Variants in BBS5 observed in about 807,000 individuals in gnomAD.
The protein encoded by BBS5 is Bardet-Biedl syndrome 5.
Under a neutral mutation model 50.2 loss-of-function variants are expected in BBS5, and 39 were observed. The ratio of observed to expected loss-of-function variants is 0.78; its 90% CI spans 0.60 to 1.01. BBS5 has a LOEUF of 1.01. Ranked by LOEUF, BBS5 falls within the 50% of genes least tolerant of loss-of-function variation. The pLI is 0.00. For missense variants in BBS5, 356 were observed against 401.5 expected (o/e 0.89, Z 0.97); for synonymous variants, 134 against 133.1 (o/e 1.01, Z -0.05).
chr2:169,498,691 G>C (rs556295440), intron 8 of BBS5, among the ~76,000 whole-genome samples: 3 of 151,842 alleles, frequency 2.0e-5, no homozygotes, highest in Non-Finnish European at 2.9e-5. Context: ...TGTAGTCCCA[G>C]CTACTCCGGA....
chr2:169,493,282 A>T (rs1161442618), intron 6 of BBS5, among the ~76,000 whole-genome samples: 1 of 152,196 alleles, frequency 6.6e-6, no homozygotes, highest in Admixed American at 6.5e-5. Context: ...TATGGAACAG[A>T]GTAACTCCGC....
At chr2:169,501,946 C>A (rs1359316945) in intron 9 of BBS5, among the ~76,000 whole-genome samples, 2 of 152,162 alleles carry the variant, frequency 1.3e-5, no homozygotes, top group Non-Finnish European at 2.9e-5. Context: ...TGTCTCACCT[C>A]ATGTGAGTCC....
At chr2:169,483,121 G>A (rs1559121038) in intron 2 of BBS5, among the ~76,000 whole-genome samples, 1 of 152,176 alleles carries the variant, frequency 6.6e-6, no homozygotes, top group Admixed American at 6.5e-5. Flanking sequence ...CTTCATTCAG[G>A]AAAGGGGGAA....
Position 169,495,741 on chromosome 2 carries a change from T to A in BBS5, c.619-1886T>A, listed in dbSNP as rs116000811. On this transcript the variant is annotated intron_variant, in intron 7 of 11. Coordinates refer to ENST00000295240, the MANE Select transcript of BBS5 (RefSeq NM_152384.3). Reference sequence around the variant, plus strand: ...CATGGTCTTGGCTTACTGCAACTGCTGCCTCCCAGGCTCAGGTGATCCTCT... The same window carrying A: ...CATGGTCTTGGCTTACTGCAACTGCAGCCTCCCAGGCTCAGGTGATCCTCT... 9.1e-3 allele frequency among the ~76,000 whole-genome samples: 1,385 copies of A among 152,292 alleles called. 28 individuals are homozygous for A. The highest frequency in any genetic ancestry group is 0.032 in the African/African-American group (1,309 of 41,554).
chr2:169,505,011 C>G lies in BBS5; in HGVS notation c.*429C>G. 9 of 1,597,836 alleles carry G rather than the reference C, an allele frequency of 5.6e-6. No individual in the cohort carries two copies. The South Asian group carries it at 8.8e-5, about 16-fold the overall frequency. ...GAACTTCTTCCCAAAATGGCCGAAGCTGGACTGTACTGCTGCCATCTCTGG... is the reference window on the plus strand; with the variant it reads ...GAACTTCTTCCCAAAATGGCCGAAGGTGGACTGTACTGCTGCCATCTCTGG... On this transcript the variant is annotated 3_prime_UTR_variant, in exon 12 of 12. Coordinates refer to ENST00000295240, the MANE Select transcript of BBS5 (RefSeq NM_152384.3).
chr2:169,480,730 G>A (rs1188926162), intron 1 of BBS5, among the ~76,000 whole-genome samples: 1 of 132,492 alleles, frequency 7.5e-6, no homozygotes, highest in Non-Finnish European at 1.5e-5. Context: ...TGCCCAGGCT[G>A]GAGTGCAATG....
chr2:169,491,858 G>A (rs1481209495), intron 5 of BBS5, among the ~76,000 whole-genome samples: 4 of 152,100 alleles, frequency 2.6e-5, no homozygotes, highest in East Asian at 3.9e-4. Flanking sequence ...GTGCAGTGGC[G>A]CAATCTCAGC....
intron 5 of BBS5, among the ~76,000 whole-genome samples, chr2:169,491,740 T>C (rs187538536): frequency 2.6e-5 from 4 of 152,240 alleles, no homozygotes; most frequent in Admixed American, 1.3e-4. Context: ...TACAGATTCA[T>C]TCTAGTTTTC....
In BBS5 at chr2:169,482,775, G is replaced by C. The variant is rs866983725; in HGVS notation, c.142+442G>C. The C allele has an allele frequency of 3.8e-4, 69 of 181,756 alleles. 1 individual carries two copies. In the Middle Eastern group the frequency reaches 0.026, roughly 68 times the overall value. The allele number at this position is 181,756 out of a possible 1,614,324, so 11.3% of individuals were successfully genotyped here. On this transcript the variant is annotated intron_variant, in intron 2 of 11. Coordinates refer to ENST00000295240, the MANE Select transcript of BBS5 (RefSeq NM_152384.3). ...CATGGATATGCGGAGAGCAAATTTA[G>C]TCCTGCACTGTGAAATCTATTTGTA...
rs1449859255 is a variant in BBS5 at position 169,505,486 on chromosome 2, C to T, written c.*904C>T. On this transcript the variant is annotated 3_prime_UTR_variant, in exon 12 of 12. Coordinates refer to ENST00000295240, the MANE Select transcript of BBS5 (RefSeq NM_152384.3). Reference sequence around the variant, plus strand: ...GAAAGTGAGGAGCGTCTCTGCCCGGCCGCCATCCCATCTAGGAAGTGAGGA... The same window carrying T: ...GAAAGTGAGGAGCGTCTCTGCCCGGTCGCCATCCCATCTAGGAAGTGAGGA... 7 of 308,934 alleles carry T rather than the reference C, an allele frequency of 2.3e-5. No individual in the cohort carries two copies. The highest frequency in any genetic ancestry group is 1.9e-5 in the Non-Finnish European group (3 of 159,074). The allele number at this position is 308,934 out of a possible 1,614,324, so 19.1% of individuals were successfully genotyped here. A position where few individuals can be genotyped will look rare whatever the true frequency, so the allele number is the denominator to read the frequency against.
Position 169,480,643 on chromosome 2 carries a change from G to A in BBS5, c.59+1031G>A, listed in dbSNP as rs569448109. Reference sequence around the variant, plus strand: ...ATTACGGACTGTAGTAACATATTGCGCACTTTCTATGACATTTTCTGTCAT... The same window carrying A: ...ATTACGGACTGTAGTAACATATTGCACACTTTCTATGACATTTTCTGTCAT... On this transcript the variant is annotated intron_variant, in intron 1 of 11. Transcript: ENST00000295240. Among the ~76,000 whole-genome samples, 3 of 144,630 alleles carry A rather than the reference G, an allele frequency of 2.1e-5. No homozygotes were observed. In the East Asian group the frequency reaches 6.2e-4, roughly 30 times the overall value. The allele number at this position is 144,630 out of a possible 152,430, so 94.9% of individuals were successfully genotyped here. A position where few individuals can be genotyped will look rare whatever the true frequency, so the allele number is the denominator to read the frequency against.
At chr2:169,503,330 T>A in intron 10 of BBS5, 152 bp downstream of exon 10, 1 of 722,132 alleles carries the variant, frequency 1.4e-6, no homozygotes, top group Admixed American at 2.3e-5. Flanking sequence ...GTGAGGGATT[T>A]CTTTTGTGAC....
rs1683894801 is a variant in BBS5 at position 169,505,445 on chromosome 2, CT to C, written c.*864del. On this transcript the variant is annotated 3_prime_UTR_variant, in exon 12 of 12. Coordinates refer to ENST00000295240, the MANE Select transcript of BBS5 (RefSeq NM_152384.3). ...TCTGGGACGTGAGCAGCCCCTCTGCCTGGCTGCCCAGTCTGGAAAGTGAGGA... is the reference window on the plus strand; with the variant it reads ...TCTGGGACGTGAGCAGCCCCTCTGCCGGCTGCCCAGTCTGGAAAGTGAGGA... 1 of 319,104 alleles carries C rather than the reference CT, an allele frequency of 3.1e-6. No homozygotes were observed. The highest frequency in any genetic ancestry group is 2.3e-5 in the African/African-American group (1 of 44,240). 19.8% of individuals were successfully genotyped at this position (319,104 alleles called of 1,614,324 possible).
chr2:169,486,849 T>A (rs1683495177), intron 2 of BBS5, among the ~76,000 whole-genome samples: 1 of 152,202 alleles, frequency 6.6e-6, no homozygotes, highest in Non-Finnish European at 1.5e-5. Context: ...AGAACATCTG[T>A]ATCCCTTATA....
At chr2:169,481,557 T>A (rs1328018956) in intron 1 of BBS5, among the ~76,000 whole-genome samples, 1 of 152,164 alleles carries the variant, frequency 6.6e-6, no homozygotes, top group Non-Finnish European at 1.5e-5. Context: ...TATCTGTATT[T>A]TCAATAGGTA....
At chr2:169,497,417 G>A (rs1208422902) in intron 7 of BBS5, among the ~76,000 whole-genome samples, 1 of 152,164 alleles carries the variant, frequency 6.6e-6, no homozygotes, top group African/African-American at 2.4e-5. Context: ...TGTCTTTCTT[G>A]TATTGCCTCT....
At chr2:169,500,014 G>A (rs1309497635) in intron 9 of BBS5, among the ~76,000 whole-genome samples, 2 of 152,146 alleles carry the variant, frequency 1.3e-5, no homozygotes, top group Admixed American at 6.5e-5. Context: ...CCACAATATA[G>A]CAACTCCAGG....
At chr2:169,495,366 A>G (rs1005554146) in intron 7 of BBS5, among the ~76,000 whole-genome samples, 4 of 152,218 alleles carry the variant, frequency 2.6e-5, no homozygotes, top group Non-Finnish European at 4.4e-5. Context: ...ATTACTGAGT[A>G]GTAAACAACC....
At chr2:169,503,222 T>C in intron 10 of BBS5, 44 bp downstream of exon 10, 1 of 1,465,988 alleles carries the variant, frequency 6.8e-7, no homozygotes, top group Non-Finnish European at 9.5e-7. Context: ...AAGGATTTTA[T>C]CTCAGTCTTG....
Sources: gnomAD v4.1 joint callset for allele counts (sites outside exome capture counted in the v4.1 genomes callset) on GRCh38, gnomAD v4.1.1 for gene constraint, MANE v1.5 for transcripts, NCBI Gene and HGNC (gene_info 2026-07-23, HGNC 2026-07-21) for gene names.